The following CSRNP3 variants were observed in gnomAD, a reference collection of about 807,000 sequenced individuals.
CSRNP3 encodes the protein cysteine/serine-rich nuclear protein 3.
In CSRNP3, 12 loss-of-function variants were observed where a neutral mutation model predicts 48.0. The ratio of observed to expected loss-of-function variants is 0.25; its 90% CI spans 0.16 to 0.41. The LOEUF (loss-of-function observed/expected upper bound fraction) is 0.41. CSRNP3 is among the 10% of genes least tolerant of loss of function. The pLI, the probability that CSRNP3 is intolerant of heterozygous loss-of-function variation, is 1.00. For synonymous variants in CSRNP3, 263 were observed against 269.7 expected (o/e 0.98, Z 0.24); for missense variants, 580 against 724.4 (o/e 0.80, Z 2.29).
intron 3 of CSRNP3, among the ~76,000 whole-genome samples, chr2:165,526,988 A>G (rs889796756): frequency 2.6e-5 from 4 of 152,194 alleles, no homozygotes; most frequent in African/African-American, 9.6e-5. Context: ...TTGAGATAAT[A>G]TTTAAAGTAA....
intron 1 of CSRNP3, among the ~76,000 whole-genome samples, chr2:165,487,260 A>C (rs1237618847): frequency 6.9e-6 from 1 of 145,748 alleles, no homozygotes; most frequent in Non-Finnish European, 1.5e-5. Context: ...GAATAAAAAG[A>C]AAGGAGCAAA....
At chr2:165,600,253 G>C (rs901913551) in intron 4 of CSRNP3, among the ~76,000 whole-genome samples, 41 of 145,536 alleles carry the variant, frequency 2.8e-4, no homozygotes, top group East Asian at 8.0e-4. Flanking sequence ...TCCCTACAAA[G>C]GACATGAACT....
At chr2:165,542,846 C>T (rs1045773482) in intron 3 of CSRNP3, among the ~76,000 whole-genome samples, 3 of 152,004 alleles carry the variant, frequency 2.0e-5, no homozygotes, top group Admixed American at 6.6e-5. Context: ...GGAATAGACA[C>T]GATTATGTAG....
At chr2:165,502,500 A>G (rs1257021795) in intron 2 of CSRNP3, among the ~76,000 whole-genome samples, 1 of 152,034 alleles carries the variant, frequency 6.6e-6, no homozygotes, top group African/African-American at 2.4e-5. Flanking sequence ...ATTGCTGTTT[A>G]TGACTTACTT....
intron 3 of CSRNP3, among the ~76,000 whole-genome samples, chr2:165,524,849 T>G (rs1192523476): frequency 6.6e-6 from 1 of 152,242 alleles, no homozygotes; most frequent in East Asian, 1.9e-4. Flanking sequence ...CTTAAAGATA[T>G]TTAGGTTGTT....
intron 3 of CSRNP3, among the ~76,000 whole-genome samples, chr2:165,569,714 A>G (rs1025829653): frequency 6.6e-6 from 1 of 151,946 alleles, no homozygotes; most frequent in African/African-American, 2.4e-5. Context: ...CAGAGCCACC[A>G]TTGTTCATTG....
chr2:165,676,641 A>T, intron 6 of CSRNP3, 33 bp downstream of exon 6: 1 of 1,593,844 alleles, frequency 6.3e-7, no homozygotes, highest in South Asian at 1.1e-5. Flanking sequence ...ATCCAAAGAC[A>T]AGACATTGTC....
At chr2:165,585,377 C>T (rs1195252968) in intron 3 of CSRNP3, among the ~76,000 whole-genome samples, 2 of 152,054 alleles carry the variant, frequency 1.3e-5, no homozygotes, top group African/African-American at 4.8e-5. Flanking sequence ...TAAGCTCTTC[C>T]GACCTGCTAT....
intron 3 of CSRNP3, among the ~76,000 whole-genome samples, chr2:165,528,615 T>G (rs1218039719): frequency 6.6e-6 from 1 of 152,268 alleles, no homozygotes; most frequent in Non-Finnish European, 1.5e-5. Context: ...CTTGGCAGCT[T>G]TGTGAAATAT....
chr2:165,480,297 T>C (rs1273899269), intron 1 of CSRNP3, among the ~76,000 whole-genome samples: 2 of 152,218 alleles, frequency 1.3e-5, no homozygotes, highest in Non-Finnish European at 2.9e-5. Flanking sequence ...CTTTAATTCA[T>C]GTGCAAAATC....
chr2:165,588,532 C>T (rs774872027), intron 3 of CSRNP3, among the ~76,000 whole-genome samples: 4 of 152,234 alleles, frequency 2.6e-5, no homozygotes, highest in Non-Finnish European at 4.4e-5. Flanking sequence ...GCATGTGTTT[C>T]ATGAATTGGA....
rs943212643 is a variant in CSRNP3, at chr2:165,680,463, G to T, written c.*710G>T. On this transcript the variant is annotated 3_prime_UTR_variant, in exon 7 of 7. Coordinates refer to ENST00000651982, the MANE Select transcript of CSRNP3 (RefSeq NM_001172173.2). ...AGGTCCTTACACAGTTTTCTCTAAA[G>T]TTAAGAGTTAGGACAATCCTCTGGG... The T allele has an allele frequency of 6.6e-6, 1 of 152,624 alleles. No individual in the cohort carries two copies. Among genetic ancestry groups the T allele is most frequent in the Non-Finnish European group, 1.5e-5 (1 of 68,050 alleles). 9.5% of individuals were successfully genotyped at this position (152,624 alleles called of 1,614,324 possible). A position where few individuals can be genotyped will look rare whatever the true frequency, so the allele number is the denominator to read the frequency against.
intron 6 of CSRNP3, 67 bp downstream of exon 6, chr2:165,676,675 A>C (rs1208660087): frequency 7.0e-7 from 1 of 1,432,174 alleles, no homozygotes; most frequent in African/African-American, 1.4e-5. Context: ...GGAGGCAGTC[A>C]TGGTACCTAT....
At chr2:165,616,715 A>G (rs1314915413) in intron 4 of CSRNP3, among the ~76,000 whole-genome samples, 2 of 152,184 alleles carry the variant, frequency 1.3e-5, no homozygotes, top group Non-Finnish European at 2.9e-5. Flanking sequence ...TGGTTTGACT[A>G]TAATGTCTCT....
At chr2:165,582,878 C>T (rs1048160855) in intron 3 of CSRNP3, among the ~76,000 whole-genome samples, 1 of 152,230 alleles carries the variant, frequency 6.6e-6, no homozygotes, top group African/African-American at 2.4e-5. Context: ...TAACTCAGTC[C>T]TTTAATTCAA....
intron 4 of CSRNP3, among the ~76,000 whole-genome samples, chr2:165,643,900 C>T (rs1212978415): frequency 2.0e-5 from 3 of 152,096 alleles, no homozygotes; most frequent in African/African-American, 7.2e-5. Context: ...ATAGGAAAGT[C>T]ACTCCTCTAA....
At chr2:165,572,964 A>C (rs964440160) in intron 3 of CSRNP3, among the ~76,000 whole-genome samples, 1 of 152,190 alleles carries the variant, frequency 6.6e-6, no homozygotes, top group South Asian at 2.1e-4. Flanking sequence ...TCTGTATTGC[A>C]ATAGTTTACA....
intron 4 of CSRNP3, among the ~76,000 whole-genome samples, chr2:165,632,247 C>T (rs1397968640): frequency 6.6e-6 from 1 of 152,192 alleles, no homozygotes; most frequent in African/African-American, 2.4e-5. Flanking sequence ...AAGTGCCAGG[C>T]ATGGTAGTTC....
chr2:165,672,937 CTG>C, intron 5 of CSRNP3, among the ~76,000 whole-genome samples: 1 of 152,092 alleles, frequency 6.6e-6, no homozygotes, highest in African/African-American at 2.4e-5. Flanking sequence ...AAACCAGAAA[CTG>C]TGAGGAGGAG....
Sources: gnomAD v4.1 joint callset for allele counts (sites outside exome capture counted in the v4.1 genomes callset) on GRCh38, gnomAD v4.1.1 for gene constraint, MANE v1.5 for transcripts, NCBI Gene and HGNC (gene_info 2026-07-23, HGNC 2026-07-21) for gene names.